Variants in GRM5 observed in about 807,000 individuals in gnomAD.
The protein encoded by GRM5 is metabotropic glutamate receptor 5.
Under a neutral mutation model 83.1 loss-of-function variants are expected in GRM5, and 19 were observed. The ratio of observed to expected loss-of-function variants is 0.23; its 90% CI spans 0.16 to 0.34. The LOEUF (loss-of-function observed/expected upper bound fraction) is 0.34. GRM5 is among the 10% of genes least tolerant of loss of function. The pLI, the probability that GRM5 is intolerant of heterozygous loss-of-function variation, is 1.00. For synonymous variants in GRM5, 675 were observed against 633.6 expected, an observed-to-expected ratio of 1.07 and a Z score of -0.98; for missense variants, 1,160 against 1,588.3, an observed-to-expected ratio of 0.73 and a Z score of 4.58.
chr11:88,617,411 C>A (rs1009981664), intron 4 of GRM5, among the ~76,000 whole-genome samples: 1 of 152,084 alleles, frequency 6.6e-6, no homozygotes, highest in African/African-American at 2.4e-5. Context: ...TTTCTTGGAC[C>A]TTTTTCCCCA....
At chr11:88,862,706 A>G (rs1161030697) in intron 2 of GRM5, among the ~76,000 whole-genome samples, 3 of 152,074 alleles carry the variant, frequency 2.0e-5, no homozygotes, top group African/African-American at 7.2e-5. Context: ...GGTTTGTTAC[A>G]TAGGTAAACC....
chr11:89,052,968 T>C (rs1941791976), intron 1 of GRM5, among the ~76,000 whole-genome samples: 1 of 152,186 alleles, frequency 6.6e-6, no homozygotes, highest in African/African-American at 2.4e-5. Flanking sequence ...AGAATTTATG[T>C]CTATGCCTGT....
At chr11:88,838,762 T>TAATA (rs1373219702) in intron 3 of GRM5, among the ~76,000 whole-genome samples, 3 of 151,864 alleles carry the variant, frequency 2.0e-5, no homozygotes, top group Non-Finnish European at 4.4e-5. Context: ...ACAGATGGAG[T>TAATA]AATACCTTTC....
intron 3 of GRM5, among the ~76,000 whole-genome samples, chr11:88,764,445 A>T (rs901086391): frequency 1.3e-5 from 2 of 151,752 alleles, no homozygotes; most frequent in African/African-American, 2.4e-5. Context: ...AATAAAATAC[A>T]CATATTTTAC....
intron 2 of GRM5, among the ~76,000 whole-genome samples, chr11:88,902,699 T>A (rs1945331125): frequency 6.6e-6 from 1 of 152,042 alleles, no homozygotes; most frequent in Admixed American, 6.6e-5. Flanking sequence ...TTCACGCCTG[T>A]AATCTCAGCA....
At chr11:88,781,263 G>A (rs192954555) in intron 3 of GRM5, among the ~76,000 whole-genome samples, 2 of 151,822 alleles carry the variant, frequency 1.3e-5, no homozygotes, top group Non-Finnish European at 1.5e-5. Context: ...TCTGTAAGAC[G>A]CATGTATGTG....
intron 4 of GRM5, among the ~76,000 whole-genome samples, chr11:88,640,755 C>T (rs943992323): frequency 1.3e-5 from 2 of 152,044 alleles, no homozygotes; most frequent in South Asian, 2.1e-4. Flanking sequence ...CAAAGATACA[C>T]ATGAAGAGAT....
At chr11:88,587,863 T>C (rs935509986) in intron 7 of GRM5, among the ~76,000 whole-genome samples, 1 of 152,068 alleles carries the variant, frequency 6.6e-6, no homozygotes, top group Non-Finnish European at 1.5e-5. Flanking sequence ...AAACCTAGCA[T>C]AAAAATACAC....
chr11:88,871,159 C>A (rs1390044813), intron 2 of GRM5, among the ~76,000 whole-genome samples: 6 of 151,572 alleles, frequency 4.0e-5, no homozygotes, highest in African/African-American at 1.5e-4. Flanking sequence ...CACATAATCT[C>A]AATGAATGTT....
intron 2 of GRM5, among the ~76,000 whole-genome samples, chr11:88,948,119 ATC>A (rs539627962): frequency 6.8e-4 from 103 of 152,274 alleles, no homozygotes; most frequent in South Asian, 5.6e-3. Flanking sequence ...TCCCGATTTT[ATC>A]TGTTTTACAT....
At position 88,567,773 on chromosome 11, in the gene GRM5, G is replaced by T. The variant is rs755649618; in HGVS notation, c.1910C>A (p.Ala637Glu). ...GTAGCAGTAAATCTGTTTGGGCTTC[G>T]CAATGAGGCAGAAGGTACATAAGTA... ...LGYLCTFCLIAKPKQIYCYLQ... is the reference protein window; with the variant it reads ...LGYLCTFCLIEKPKQIYCYLQ... Residue 637 changes from alanine to glutamate, a missense_variant, in exon 8 of 10, where the codon GCG becomes GAG. Around this residue, in one of 9 missense-constraint regions of GRM5, gnomAD observed 132 missense variants for 245.5 expected, o/e 0.54. Transcript: ENST00000305447. The surrounding 1 kb of genome is among the most constrained non-coding windows in gnomAD (Gnocchi z 7.3). 4 of 1,613,762 alleles carry T rather than the reference G, an allele frequency of 2.5e-6. No individual in the cohort carries two copies. The highest frequency in any genetic ancestry group is 3.4e-6 in the Non-Finnish European group (4 of 1,179,804).
At chr11:89,000,593 A>G (rs570182062) in intron 2 of GRM5, among the ~76,000 whole-genome samples, 26 of 152,290 alleles carry the variant, frequency 1.7e-4, no homozygotes, top group Admixed American at 3.3e-4. Flanking sequence ...AATTATTTTA[A>G]AATTTTAGGA....
At chr11:88,551,492 G>T (rs1428337658) in intron 8 of GRM5, among the ~76,000 whole-genome samples, 1 of 152,108 alleles carries the variant, frequency 6.6e-6, no homozygotes, top group Admixed American at 6.6e-5. Context: ...ATAGTAAAAG[G>T]CTACGTGCCC....
In GRM5 at chr11:88,628,318, T is replaced by G. The variant is rs556990082; in HGVS notation, c.1148-23354A>C. On this transcript the variant is annotated intron_variant, in intron 4 of 9. Coordinates refer to ENST00000305447, the MANE Select transcript of GRM5 (RefSeq NM_001143831.3). ...TAACCGCTAACTATTCTTGGCCTCCTCTCTTGTAACTCTTAAAACCAGTTC... is the reference window on the plus strand; with the variant it reads ...TAACCGCTAACTATTCTTGGCCTCCGCTCTTGTAACTCTTAAAACCAGTTC... Among the ~76,000 whole-genome samples, 3 of 152,338 alleles carry G rather than the reference T, an allele frequency of 2.0e-5. No homozygotes were observed. In the South Asian group the frequency reaches 6.2e-4, roughly 32 times the overall value.
In GRM5 at chr11:88,652,294, A is replaced by T. The variant is rs1403248824; in HGVS notation, c.1147+874T>A. ...GTAGGATAAGTCAGTTCCAAAAAAAAATCCTTTGTCAATTTTTACAAACTT... is the reference window on the plus strand; with the variant it reads ...GTAGGATAAGTCAGTTCCAAAAAAATATCCTTTGTCAATTTTTACAAACTT... On this transcript the variant is annotated intron_variant, in intron 4 of 9. Transcript: ENST00000305447. 3.9e-5 allele frequency among the ~76,000 whole-genome samples: 6 copies of T among 152,184 alleles called. No individual in the cohort carries two copies. The East Asian group carries it at 1.2e-3, about 29-fold the overall frequency.
intron 2 of GRM5, among the ~76,000 whole-genome samples, chr11:88,913,376 C>A (rs1945533158): frequency 6.6e-6 from 1 of 152,040 alleles, no homozygotes; most frequent in Non-Finnish European, 1.5e-5. Context: ...CAGTTGAGAT[C>A]CCTTCCTGTC....
chr11:88,779,460 C>T (rs1304227858), intron 3 of GRM5, among the ~76,000 whole-genome samples: 5 of 152,238 alleles, frequency 3.3e-5, no homozygotes, highest in East Asian at 3.9e-4. Flanking sequence ...GAAGGAGCAC[C>T]GTCGAGTCTA....
At chr11:89,040,542 A>G (rs1941504850) in intron 2 of GRM5, among the ~76,000 whole-genome samples, 1 of 152,102 alleles carries the variant, frequency 6.6e-6, no homozygotes, top group Non-Finnish European at 1.5e-5. Context: ...AAAAAATTAA[A>G]AAATAAAAAT....
At chr11:88,879,852 C>A (rs780209406) in intron 2 of GRM5, among the ~76,000 whole-genome samples, 1 of 151,956 alleles carries the variant, frequency 6.6e-6, no homozygotes, top group Non-Finnish European at 1.5e-5. Context: ...TTCTTTGCAG[C>A]AAATTTTCAG....
Sources: allele counts gnomAD v4.1 joint callset (sites outside exome capture counted in the v4.1 genomes callset), GRCh38; gene constraint gnomAD v4.1.1; regional missense constraint gnomAD v4.1.1; non-coding constraint Gnocchi (gnomAD v3.1); transcripts MANE v1.5; gene names NCBI Gene and HGNC (gene_info 2026-07-23, HGNC 2026-07-21).